CDH7: variants seen among roughly 807,000 people sequenced by gnomAD.
CDH7 encodes cadherin-7.
Under a neutral mutation model 71.8 loss-of-function variants are expected in CDH7, and 25 were observed. The observed-to-expected ratio is 0.35, with a 90% CI of 0.25 to 0.49. The LOEUF is 0.49. Among genes scored for constraint, CDH7 ranks in the 20% least tolerant of loss-of-function variants. CDH7 has a pLI of 0.99. For synonymous variants in CDH7, 381 were observed against 363.8 expected, an observed-to-expected ratio of 1.05 and a Z score of -0.54; for missense variants, 862 against 974.6, an observed-to-expected ratio of 0.88 and a Z score of 1.54.
intron 2 of CDH7, among the ~76,000 whole-genome samples, chr18:65,782,887 T>C (rs7239188): frequency 0.36 from 54,322 of 151,942 alleles, 10,234 homozygotes; most frequent in Middle Eastern, 0.47. Context: ...AGCATTTCAG[T>C]GCTATATCTG....
intron 4 of CDH7, among the ~76,000 whole-genome samples, chr18:65,818,309 G>A (rs1911794523): frequency 6.6e-6 from 1 of 152,042 alleles, no homozygotes; most frequent in South Asian, 2.1e-4. Flanking sequence ...AATGAATTGG[G>A]TTTATTACAA....
intron 6 of CDH7, among the ~76,000 whole-genome samples, chr18:65,839,852 T>C (rs1912664026): frequency 1.3e-5 from 2 of 152,152 alleles, no homozygotes. Context: ...AATGTTAGCC[T>C]TACCATATTG....
At chr18:65,853,924 T>TATATATATATATCC (rs1555689492) in intron 7 of CDH7, among the ~76,000 whole-genome samples, 6 of 84,702 alleles carry the variant, frequency 7.1e-5, no homozygotes, top group African/African-American at 2.8e-4. Context: ...TATATATATA[T>TATATATATATATCC]ATATATATAT....
chr18:65,786,415 C>A (rs1198957261), intron 2 of CDH7, among the ~76,000 whole-genome samples: 2 of 152,076 alleles, frequency 1.3e-5, no homozygotes, highest in East Asian at 3.9e-4. Flanking sequence ...ACAACCGCCC[C>A]CCCAGTTCTT....
chr18:65,783,901 A>C (rs576112011), intron 2 of CDH7, among the ~76,000 whole-genome samples: 1 of 152,142 alleles, frequency 6.6e-6, no homozygotes, highest in Non-Finnish European at 1.5e-5. Flanking sequence ...GATAAAGCAC[A>C]TAAGAAAATA....
At position 65,882,830 on chromosome 18, in the gene CDH7, C is replaced by T. The variant is rs1005824026; in HGVS notation, c.*1936C>T. ...AAACAAAAAAACACGCGTATTTACC[C>T]AGTTCAATAAAATCAGAGTGTGGTG... On this transcript the variant is annotated 3_prime_UTR_variant, in exon 12 of 12. Transcript: ENST00000397968. The T allele has an allele frequency of 2.0e-5, 3 of 152,034 alleles. No homozygotes were observed. The highest frequency in any genetic ancestry group is 7.2e-5 in the African/African-American group (3 of 41,416). 9.4% of individuals were successfully genotyped at this position (152,034 alleles called of 1,614,324 possible).
At position 65,868,254 on chromosome 18, in the gene CDH7, G is replaced by A. The variant is rs772476233; in HGVS notation, c.1864+5337G>A. Reference sequence around the variant, plus strand: ...AAAATGAATTGCATTTCATAAGCTCGTACTATGTGCTAGACATCAGCCTAA... The same window carrying A: ...AAAATGAATTGCATTTCATAAGCTCATACTATGTGCTAGACATCAGCCTAA... On this transcript the variant is annotated intron_variant, in intron 11 of 11. Coordinates refer to ENST00000397968, the MANE Select transcript of CDH7 (RefSeq NM_004361.5). Among the ~76,000 whole-genome samples, 8 of 152,126 alleles carry A rather than the reference G, an allele frequency of 5.3e-5. No individual in the cohort carries two copies. The South Asian group carries it at 1.2e-3, about 24-fold the overall frequency.
chr18:65,759,271 GA>G (rs1267271748), intron 1 of CDH7, among the ~76,000 whole-genome samples: 1 of 147,188 alleles, frequency 6.8e-6, no homozygotes, highest in African/African-American at 2.5e-5. Context: ...TTTGGAGACA[GA>G]ATCTCGCTGT....
intron 7 of CDH7, among the ~76,000 whole-genome samples, chr18:65,844,771 A>C (rs1345901101): frequency 6.6e-6 from 1 of 152,022 alleles, no homozygotes; most frequent in Non-Finnish European, 1.5e-5. Context: ...TGTGAGACTT[A>C]TTTTTTTGAG....
chr18:65,817,719 T>C (rs1046763056), intron 4 of CDH7, among the ~76,000 whole-genome samples: 1 of 152,212 alleles, frequency 6.6e-6, no homozygotes, highest in African/African-American at 2.4e-5. Flanking sequence ...GCCAGGGCTG[T>C]GTATTTCTTT....
rs138299679 is a variant in CDH7 at position 65,757,118 on chromosome 18, C to G, written c.-196-5529C>G. 2.9e-3 allele frequency among the ~76,000 whole-genome samples: 439 copies of G among 151,442 alleles called. 6 individuals are homozygous for G. Among genetic ancestry groups the G allele is most frequent in the African/African-American group, 0.01 (424 of 41,222 alleles). ...TGAAAACACCATTTGATTAAGAGCA[C>G]GATAGTCACTTGATCTGTTAAAAGT... On this transcript the variant is annotated intron_variant, in intron 1 of 11. Coordinates refer to ENST00000397968, the MANE Select transcript of CDH7 (RefSeq NM_004361.5).
chr18:65,871,968 T>C (rs2144056339), intron 11 of CDH7, among the ~76,000 whole-genome samples: 1 of 151,592 alleles, frequency 6.6e-6, no homozygotes, highest in Non-Finnish European at 1.5e-5. Context: ...TGGGCTCGCC[T>C]AGGAAGAATG....
At chr18:65,770,637 G>T (rs1194298797) in intron 2 of CDH7, among the ~76,000 whole-genome samples, 1 of 152,114 alleles carries the variant, frequency 6.6e-6, no homozygotes. Context: ...AATTAGAAAG[G>T]TGATGTTCTT....
chr18:65,862,546 C>A, intron 10 of CDH7, 120 bp from the exon 11 acceptor site: 1 of 963,124 alleles, frequency 1.0e-6, no homozygotes, highest in East Asian at 2.5e-5. Flanking sequence ...TGAAATAAAT[C>A]TGCAACTCCA....
chr18:65,779,236 G>A (rs1475480806), intron 2 of CDH7, among the ~76,000 whole-genome samples: 1 of 135,844 alleles, frequency 7.4e-6, no homozygotes, highest in African/African-American at 2.8e-5. Flanking sequence ...GGAAGCTGGA[G>A]CCATAAGAAT....
In CDH7 at chr18:65,886,973, G is replaced by A. The variant is rs906228126; in HGVS notation, c.*6079G>A. The A allele has an allele frequency of 6.6e-5, 10 of 151,982 alleles. No homozygotes were observed. Among genetic ancestry groups the A allele is most frequent in the African/African-American group, 2.4e-4 (10 of 41,364 alleles). 9.4% of individuals were successfully genotyped at this position (151,982 alleles called of 1,614,324 possible). On this transcript the variant is annotated 3_prime_UTR_variant, in exon 12 of 12. Coordinates refer to ENST00000397968, the MANE Select transcript of CDH7 (RefSeq NM_004361.5). ...CTCAACTTTAGCTCTTAGTTATCTG[G>A]TTATTTTATGCTCATGTGAACAGAC...
At chr18:65,846,934 T>C (rs1006362477) in intron 7 of CDH7, among the ~76,000 whole-genome samples, 5 of 152,198 alleles carry the variant, frequency 3.3e-5, no homozygotes, top group Non-Finnish European at 5.9e-5. Flanking sequence ...TGTGTTTCCA[T>C]GCCATTTTAA....
intron 2 of CDH7, among the ~76,000 whole-genome samples, chr18:65,776,710 T>G (rs1942832): frequency 6.6e-6 from 1 of 151,858 alleles, no homozygotes; most frequent in South Asian, 2.1e-4. Context: ...CTCCAACCTA[T>G]CATATCGCCG....
At chr18:65,809,291 T>C (rs992655211) in intron 2 of CDH7, among the ~76,000 whole-genome samples, 1 of 152,168 alleles carries the variant, frequency 6.6e-6, no homozygotes, top group Non-Finnish European at 1.5e-5. Flanking sequence ...TTAAATGGTA[T>C]ATTGGAACCA....
Sources: gnomAD v4.1 joint callset for allele counts (sites outside exome capture counted in the v4.1 genomes callset) on GRCh38, gnomAD v4.1.1 for gene constraint, MANE v1.5 for transcripts, NCBI Gene and HGNC (gene_info 2026-07-23, HGNC 2026-07-21) for gene names.